The following TRIM9 variants were observed in gnomAD, a reference collection of about 807,000 sequenced individuals.
TRIM9 encodes tripartite motif containing 9, also known as E3 ubiquitin-protein ligase TRIM9.
TRIM9 carries 26 observed loss-of-function variants against 78.3 expected under a neutral mutation model. That is an observed-to-expected ratio of 0.33 (90% CI 0.24 to 0.46). The LOEUF is 0.46. TRIM9 is among the 20% of genes least tolerant of loss of function. The probability of loss-of-function intolerance (pLI) is 1.00; values close to 1 mark genes in which losing one functional copy is unlikely to be tolerated. For synonymous variants in TRIM9, 398 were observed against 416.5 expected (o/e 0.96, Z 0.54); for missense variants, 787 against 1,036.4 (o/e 0.76, Z 3.30).
chr14:51,077,131 G>T (rs1397846089), intron 1 of TRIM9, among the ~76,000 whole-genome samples: 1 of 152,076 alleles, frequency 6.6e-6, no homozygotes, highest in Non-Finnish European at 1.5e-5. Context: ...GTGCATCTTG[G>T]GTTCTCCTAA....
At chr14:50,995,667 G>A (rs1225807226) in intron 7 of TRIM9, among the ~76,000 whole-genome samples, 1 of 152,040 alleles carries the variant, frequency 6.6e-6, no homozygotes, top group Non-Finnish European at 1.5e-5. Context: ...CAGAATTTTT[G>A]TTTTGAAGTT....
rs755135373 is a variant in TRIM9 at position 51,010,976 on chromosome 14, C to A, written c.1042-482G>T. Among the ~76,000 whole-genome samples, 5 of 152,176 alleles carry A rather than the reference C, an allele frequency of 3.3e-5. No homozygotes were observed. In the South Asian group the frequency reaches 8.3e-4, roughly 25 times the overall value. On this transcript the variant is annotated intron_variant, in intron 3 of 12. Coordinates refer to ENST00000684578, the MANE Select transcript of TRIM9 (RefSeq NM_001387360.1). The stretch of plus-strand genomic sequence containing the variant: ...TGAACCCAGTTCCTTTCCCTTCCTG[C>A]CCCTCCCCACAGCCCCACGGTCAAT...
intron 5 of TRIM9, among the ~76,000 whole-genome samples, chr14:51,005,124 G>A (rs549326407): frequency 1.3e-5 from 2 of 152,274 alleles, no homozygotes; most frequent in South Asian, 2.1e-4. Context: ...AACCCTGAAC[G>A]CAGGTTTTGA....
At chr14:51,037,637 T>C (rs2059261560) in intron 1 of TRIM9, among the ~76,000 whole-genome samples, 1 of 151,878 alleles carries the variant, frequency 6.6e-6, no homozygotes, top group Non-Finnish European at 1.5e-5. Flanking sequence ...CAAATTTCAT[T>C]TGGAAATTAT....
chr14:51,043,415 GAGA>G (rs2059710854), intron 1 of TRIM9, among the ~76,000 whole-genome samples: 1 of 152,212 alleles, frequency 6.6e-6, no homozygotes, highest in Admixed American at 6.5e-5. Context: ...ACAGAGAATG[GAGA>G]ACAAGTTGGA....
In TRIM9 at chr14:51,056,304, T is replaced by TA. The variant is rs2060893630; in HGVS notation, c.823-30945dup. Among the ~76,000 whole-genome samples the TA allele has an allele frequency of 3.9e-5, 6 of 152,282 alleles. No homozygotes were observed. In the South Asian group the frequency reaches 1.0e-3, roughly 26 times the overall value. ...ATTGGTATTTATTTGTTTTTCAAAT[T>TA]AAAAAAATAAATTCATTGTGTTAAC... On this transcript the variant is annotated intron_variant, in intron 1 of 12. Coordinates refer to ENST00000684578, the MANE Select transcript of TRIM9 (RefSeq NM_001387360.1).
At chr14:51,080,475 ACACACG>A (rs1476450238) in intron 1 of TRIM9, among the ~76,000 whole-genome samples, 1 of 140,772 alleles carries the variant, frequency 7.1e-6, no homozygotes, top group Non-Finnish European at 1.6e-5. Flanking sequence ...ACACACACAC[ACACACG>A]GAGAAACAAC....
Position 51,083,357 on chromosome 14 carries a change from C to T in TRIM9, c.822+10761G>A, listed in dbSNP as rs148069202. ...ATCTCGAACTCCTGGGCTCAAGTGA[C>T]TCTCCTGCCTCAGGAGGATCCTCAG... is the stretch of plus-strand genomic sequence containing the variant. On this transcript the variant is annotated intron_variant, in intron 1 of 12. Coordinates refer to ENST00000684578, the MANE Select transcript of TRIM9 (RefSeq NM_001387360.1). 3.5e-4 allele frequency among the ~76,000 whole-genome samples: 53 copies of T among 152,226 alleles called. No individual in the cohort carries two copies. The East Asian group carries it at 9.9e-3, about 28-fold the overall frequency.
At chr14:50,989,007 T>C (rs1316149180) in intron 7 of TRIM9, among the ~76,000 whole-genome samples, 1 of 152,176 alleles carries the variant, frequency 6.6e-6, no homozygotes, top group Non-Finnish European at 1.5e-5. Flanking sequence ...ACATACCTCT[T>C]TGGGAGCTCC....
chr14:50,983,114 G>A lies in TRIM9; in HGVS notation c.1835-149C>T. 4 of 795,780 alleles carry A rather than the reference G, an allele frequency of 5.0e-6. No individual in the cohort carries two copies. In the South Asian group the frequency reaches 7.0e-5, roughly 14 times the overall value. The allele number at this position is 795,780 out of a possible 1,614,324, so 49.3% of individuals were successfully genotyped here. A position where few individuals can be genotyped will look rare whatever the true frequency, so the allele number is the denominator to read the frequency against. ...ATACTAAACAGGTGCTCTCTGACTT[G>A]TACCTTTACCCACATTTAGTGCTCA... On this transcript the variant is annotated intron_variant, in intron 9 of 12. Transcript: ENST00000684578.
At chr14:50,977,938 T>G (rs2051278136) in intron 12 of TRIM9, among the ~76,000 whole-genome samples, 1 of 151,334 alleles carries the variant, frequency 6.6e-6, no homozygotes, top group East Asian at 2.0e-4. Context: ...CCAAGAGTCT[T>G]TATCAATAGA....
intron 1 of TRIM9, among the ~76,000 whole-genome samples, chr14:51,059,122 C>T (rs2061131561): frequency 6.6e-6 from 1 of 152,210 alleles, no homozygotes; most frequent in South Asian, 2.1e-4. Context: ...TGCCCACCTC[C>T]ACAATGGTCC....
At chr14:51,008,096 A>C (rs1257956219) in intron 5 of TRIM9, among the ~76,000 whole-genome samples, 1 of 152,246 alleles carries the variant, frequency 6.6e-6, no homozygotes, top group African/African-American at 2.4e-5. Context: ...AGCAAATGAC[A>C]AAACTATAGA....
chr14:50,982,960 T>G lies in TRIM9; in HGVS notation c.1840A>C (p.Ile614Leu). The change falls in exon 10 of 13, where the codon ATT (isoleucine) becomes CTT (leucine). Residue 614 changes from isoleucine to leucine, a missense_variant. Transcript: ENST00000684578. ...TCCATACCTGCCAACAGCTTTTTAATGTCAACTGTTGTCATTCCAAGTGAA... is the reference window on the plus strand; with the variant it reads ...TCCATACCTGCCAACAGCTTTTTAAGGTCAACTGTTGTCATTCCAAGTGAA... ...QSAPYSQLVD[I>L]KKLLAVAWFA... The G allele has an allele frequency of 6.5e-7, 1 of 1,549,168 alleles. No homozygotes were observed.
chr14:51,057,662 A>G (rs1166260944), intron 1 of TRIM9, among the ~76,000 whole-genome samples: 1 of 152,240 alleles, frequency 6.6e-6, no homozygotes. Flanking sequence ...AAATTTCAGA[A>G]GCCATGAAAA....
At chr14:51,027,575 G>C (rs1049570033) in intron 1 of TRIM9, among the ~76,000 whole-genome samples, 2 of 152,130 alleles carry the variant, frequency 1.3e-5, no homozygotes, top group African/African-American at 4.8e-5. Context: ...TTTGCTCTAT[G>C]TATTTAGGCT....
chr14:51,038,289 C>T (rs868077054), intron 1 of TRIM9, among the ~76,000 whole-genome samples: 3 of 152,030 alleles, frequency 2.0e-5, no homozygotes, highest in African/African-American at 7.3e-5. Flanking sequence ...TTAGAGCATC[C>T]GGAAAGGAAC....
intron 3 of TRIM9, among the ~76,000 whole-genome samples, chr14:51,022,627 T>C (rs1392768973): frequency 1.3e-5 from 2 of 152,188 alleles, no homozygotes; most frequent in Non-Finnish European, 2.9e-5. Context: ...CTGAGAAAAG[T>C]CACCCAACAA....
intron 7 of TRIM9, among the ~76,000 whole-genome samples, chr14:50,987,191 T>A (rs377408776): frequency 5.3e-5 from 8 of 152,232 alleles, no homozygotes; most frequent in African/African-American, 1.9e-4. Context: ...TAATTTTGTT[T>A]CTGTGACCAG....
Sources: gnomAD v4.1 joint callset for allele counts (sites outside exome capture counted in the v4.1 genomes callset) on GRCh38, gnomAD v4.1.1 for gene constraint, MANE v1.5 for transcripts, NCBI Gene and HGNC (gene_info 2026-07-23, HGNC 2026-07-21) for gene names.